Variants in EEF2K observed in about 807,000 individuals in gnomAD.
The protein encoded by EEF2K is alternative protein EEF2K.
EEF2K carries 70 observed loss-of-function variants against 93.8 expected under a neutral mutation model. The observed-to-expected ratio is 0.75, with a 90% CI of 0.62 to 0.91. EEF2K has a LOEUF of 0.91. Ranked by LOEUF, EEF2K falls within the 40% of genes least tolerant of loss-of-function variation. The pLI is 0.00. For synonymous variants in EEF2K, 376 were observed against 380.8 expected, an observed-to-expected ratio of 0.99 and a Z score of 0.15; for missense variants, 935 against 972.9, an observed-to-expected ratio of 0.96 and a Z score of 0.52.
Position 22,257,778 on chromosome 16 carries a change from C to T in EEF2K, c.1029+8C>T. 2 of 1,612,380 alleles carry T rather than the reference C, an allele frequency of 1.2e-6. No individual in the cohort carries two copies. Among genetic ancestry groups the T allele is most frequent in the South Asian group, 2.2e-5 (2 of 90,950 alleles). ...CAGAACACCAAGCTGCTGGTGGGTG[C>T]CCAGTGTGACCCTGCTTGGCCTGGC... On this transcript the variant is annotated splice_region_variant and intron_variant, in intron 9 of 17. Transcript: ENST00000263026.
At chr16:22,264,314 A>T (rs2047495769) in intron 12 of EEF2K, among the ~76,000 whole-genome samples, 1 of 147,284 alleles carries the variant, frequency 6.8e-6, no homozygotes, top group African/African-American at 2.7e-5. Context: ...AAAAAAAAAA[A>T]AAAGTAAAAC....
rs1482653138 is a variant in EEF2K, at chr16:22,285,458, T to C, written c.*1462T>C. 6.6e-6 allele frequency: 1 copy of C among 152,248 alleles called. No homozygotes were observed. Among genetic ancestry groups the C allele is most frequent in the Non-Finnish European group, 1.5e-5 (1 of 68,044 alleles). The allele number at this position is 152,248 out of a possible 1,614,324, so 9.4% of individuals were successfully genotyped here. A position where few individuals can be genotyped will look rare whatever the true frequency, so the allele number is the denominator to read the frequency against. ...CATGGCCAGACAATGGCGATTGTTA[T>C]TTAATGAGCTTTTCCTTTCAATGGA... On this transcript the variant is annotated 3_prime_UTR_variant, in exon 18 of 18. Transcript: ENST00000263026.
In EEF2K at chr16:22,251,329, G is replaced by A. The variant is rs763983728; in HGVS notation, c.618+7G>A. Reference sequence around the variant, plus strand: ...GCACAAGCCCCCCAAGCAGGTGCGTGGCCCCACTACCTGCCCCCTTTCCAT... The same window carrying A: ...GCACAAGCCCCCCAAGCAGGTGCGTAGCCCCACTACCTGCCCCCTTTCCAT... On this transcript the variant is annotated splice_region_variant and intron_variant, in intron 6 of 17. Coordinates refer to ENST00000263026, the MANE Select transcript of EEF2K (RefSeq NM_013302.5). The A allele has an allele frequency of 1.1e-5, 17 of 1,613,546 alleles. No individual in the cohort carries two copies. The highest frequency in any genetic ancestry group is 1.4e-5 in the Non-Finnish European group (17 of 1,179,784).
intron 2 of EEF2K, among the ~76,000 whole-genome samples, chr16:22,244,220 C>G (rs1471785883): frequency 6.6e-6 from 1 of 150,988 alleles, no homozygotes; most frequent in Non-Finnish European, 1.5e-5. Context: ...CAGAGTGAGA[C>G]TCTGTTTCTA....
intron 16 of EEF2K, 77 bp from the exon 17 acceptor site, chr16:22,280,121 C>T (rs35443873): frequency 0.073 from 100,812 of 1,376,584 alleles, 3,942 homozygotes; most frequent in Middle Eastern, 0.13. Context: ...TGACTTGCCC[C>T]TCCTGCTGGA....
At chr16:22,227,267 A>G (rs2047073851) in intron 2 of EEF2K, among the ~76,000 whole-genome samples, 2 of 152,272 alleles carry the variant, frequency 1.3e-5, no homozygotes, top group Admixed American at 1.3e-4. Flanking sequence ...TCTGCTGCCC[A>G]GGCTGGAATA....
intron 1 of EEF2K, among the ~76,000 whole-genome samples, chr16:22,217,029 C>T (rs535026115): frequency 2.0e-5 from 3 of 151,416 alleles, no homozygotes; most frequent in South Asian, 2.1e-4. Flanking sequence ...GGTATGGTGA[C>T]GCGTGCCTGT....
chr16:22,265,156 A>G (rs756919193), intron 13 of EEF2K: 2 of 354,746 alleles, frequency 5.6e-6, no homozygotes, highest in Non-Finnish European at 1.0e-5. Context: ...AGTGCCTGCC[A>G]TGAAGGCACT....
rs35099626 is a variant in EEF2K at position 22,284,262 on chromosome 16, G to A, written c.*266G>A. On this transcript the variant is annotated 3_prime_UTR_variant, in exon 18 of 18. Transcript: ENST00000263026. ...GCCTAATGAACCAACATACCGTTTT[G>A]TGTGTGGTTTTTTTTGTTTGTTTGT... The A allele has an allele frequency of 0.037, 15,039 of 406,238 alleles. 420 individuals are homozygous for A. Among genetic ancestry groups the A allele is most frequent in the South Asian group, 0.074 (2,387 of 32,152 alleles). 25.2% of individuals were successfully genotyped at this position (406,238 alleles called of 1,614,324 possible).
At chr16:22,221,380 G>A (rs968421159) in intron 1 of EEF2K, among the ~76,000 whole-genome samples, 5 of 151,842 alleles carry the variant, frequency 3.3e-5, no homozygotes, top group Admixed American at 1.3e-4. Context: ...AGGCTGAGGC[G>A]GGAGGATCAC....
chr16:22,240,752 CTCTT>C (rs1269054365), intron 2 of EEF2K, among the ~76,000 whole-genome samples: 2 of 152,008 alleles, frequency 1.3e-5, no homozygotes, highest in Non-Finnish European at 2.9e-5. Flanking sequence ...GGTCCAATTG[CTCTT>C]TCTTTTTATT....
intron 7 of EEF2K, 44 bp downstream of exon 7, chr16:22,256,941 G>C (rs2047407836): frequency 6.2e-7 from 1 of 1,608,466 alleles, no homozygotes; most frequent in African/African-American, 1.3e-5. Flanking sequence ...CACAGCCCTT[G>C]GGGTGAGATC....
chr16:22,222,726 A>C (rs1209660297), intron 1 of EEF2K, among the ~76,000 whole-genome samples: 1 of 134,062 alleles, frequency 7.5e-6, no homozygotes, highest in Non-Finnish European at 1.6e-5. Context: ...AAAAAAAAAA[A>C]TACAAAAATT....
At chr16:22,271,791 A>G (rs2141683919) in intron 15 of EEF2K, among the ~76,000 whole-genome samples, 1 of 152,302 alleles carries the variant, frequency 6.6e-6, no homozygotes, top group African/African-American at 2.4e-5. Context: ...ACTCTCACAC[A>G]ATACTTGCAC....
intron 2 of EEF2K, among the ~76,000 whole-genome samples, chr16:22,234,899 TA>T (rs1279807099): frequency 1.4e-5 from 2 of 145,410 alleles, no homozygotes; most frequent in African/African-American, 2.5e-5. Flanking sequence ...TTTTTTTTTT[TA>T]GGGGCGGTTT....
rs780261719 is a variant in EEF2K, at chr16:22,264,856, A to C, written c.1416A>C (p.Glu472Asp). ...GTAATCGGAAGTACGAGTCTGACGA[A>C]GACAGCCTGGGCAGCTCTGGACGGG... The part of the protein sequence containing the change: ...SYSNRKYESD[E>D]DSLGSSGRVC... Residue 472 changes from glutamate (E) to aspartate (D), a missense_variant, in exon 13 of 18, where the codon GAA becomes GAC. Transcript: ENST00000263026. 3 of 1,614,038 alleles carry C rather than the reference A, an allele frequency of 1.9e-6. No individual in the cohort carries two copies. The South Asian group carries it at 3.3e-5, about 18-fold the overall frequency.
chr16:22,268,306 G>A (rs2047544328), intron 15 of EEF2K, among the ~76,000 whole-genome samples: 1 of 151,988 alleles, frequency 6.6e-6, no homozygotes, highest in Non-Finnish European at 1.5e-5. Flanking sequence ...AGACTCCCGA[G>A]TAGCTGGGAT....
chr16:22,274,911 G>C (rs571328013), intron 16 of EEF2K, among the ~76,000 whole-genome samples: 4 of 152,150 alleles, frequency 2.6e-5, no homozygotes, highest in Non-Finnish European at 5.9e-5. Context: ...ACTAGGGCAG[G>C]TATTTTGGCT....
chr16:22,259,313 C>T (rs192008367), intron 10 of EEF2K, among the ~76,000 whole-genome samples: 261 of 152,214 alleles, frequency 1.7e-3, no homozygotes, highest in African/African-American at 6.0e-3. Context: ...AAAGTGTGAG[C>T]GGGAGCAGGC....
Sources: allele counts gnomAD v4.1 joint callset (sites outside exome capture counted in the v4.1 genomes callset), GRCh38; gene constraint gnomAD v4.1.1; transcripts MANE v1.5; gene names NCBI Gene and HGNC (gene_info 2026-07-23, HGNC 2026-07-21).